SNX13: variants seen among roughly 807,000 people sequenced by gnomAD.
The protein encoded by SNX13 is sorting nexin 13, also known as sorting nexin-13.
SNX13 carries 45 observed loss-of-function variants against 133.6 expected under a neutral mutation model. The ratio of observed to expected loss-of-function variants is 0.34; its 90% CI spans 0.27 to 0.43. The LOEUF (loss-of-function observed/expected upper bound fraction) is 0.43, where lower values mean the gene tolerates loss of function less well. Ranked by LOEUF, SNX13 falls within the 20% of genes least tolerant of loss-of-function variation. The pLI is 1.00. For synonymous variants in SNX13, 414 were observed against 373.9 expected (o/e 1.11, Z -1.24); for missense variants, 1,032 against 1,145.1 (o/e 0.90, Z 1.43).
At chr7:17,851,640 G>A (rs1015259185) in intron 9 of SNX13, among the ~76,000 whole-genome samples, 3 of 144,734 alleles carry the variant, frequency 2.1e-5, no homozygotes, top group Non-Finnish European at 3.0e-5. Flanking sequence ...CACTAACATC[G>A]TTGGCCTGAC....
intron 9 of SNX13, among the ~76,000 whole-genome samples, chr7:17,851,738 G>A (rs919812308): frequency 1.3e-5 from 2 of 151,932 alleles, no homozygotes; most frequent in Non-Finnish European, 2.9e-5. Flanking sequence ...CGGGGAGTCG[G>A]GGAGGCAAAA....
Position 17,928,589 on chromosome 7 carries a change from A to G in SNX13, c.12+11695T>C, listed in dbSNP as rs189277748. ...AAAATTCTGCACATAATATCTAAAT[A>G]ATCAAACACAACTGATTAACTTAGA... is the stretch of plus-strand genomic sequence containing the variant. On this transcript the variant is annotated intron_variant, in intron 1 of 25. Transcript: ENST00000428135. Among the ~76,000 whole-genome samples, 16 of 152,312 alleles carry G rather than the reference A, an allele frequency of 1.1e-4. No individual in the cohort carries two copies. The East Asian group carries it at 3.1e-3, about 29-fold the overall frequency.
At chr7:17,811,647 C>A (rs1786039122) in intron 20 of SNX13, among the ~76,000 whole-genome samples, 1 of 152,132 alleles carries the variant, frequency 6.6e-6, no homozygotes, top group Non-Finnish European at 1.5e-5. Context: ...GAAAAAACTA[C>A]TTTAAATTTC....
chr7:17,830,501 T>C, intron 15 of SNX13: 1 of 984,040 alleles, frequency 1.0e-6, no homozygotes, highest in Non-Finnish European at 1.2e-6. Flanking sequence ...GACTTATTTT[T>C]AATAGGTCTA....
Position 17,796,906 on chromosome 7 carries a change from C to T in SNX13, c.2547G>A (p.Glu849=). Residue 849 remains glutamate (E), a synonymous_variant, in exon 25 of 26, where the codon GAG becomes GAA. Coordinates refer to ENST00000428135, the MANE Select transcript of SNX13 (RefSeq NM_015132.5). ...DAFWPNGILA[E]AVPCRDKSIR... ...TACTTTTATCTCTGCATGGAACAGC[C>T]TCTGCTAAAATGCCATTTGGCCAAA... 6.2e-7 allele frequency: 1 copy of T among 1,611,036 alleles called. No individual in the cohort carries two copies. Among genetic ancestry groups the T allele is most frequent in the Non-Finnish European group, 8.5e-7 (1 of 1,178,046 alleles).
chr7:17,849,130 T>A (rs1790902971), intron 11 of SNX13, among the ~76,000 whole-genome samples: 1 of 152,206 alleles, frequency 6.6e-6, no homozygotes, highest in African/African-American at 2.4e-5. Flanking sequence ...AATTGGCATG[T>A]CTACTTGAAT....
intron 1 of SNX13, among the ~76,000 whole-genome samples, chr7:17,925,038 A>G (rs891931836): frequency 1.3e-5 from 2 of 152,054 alleles, no homozygotes; most frequent in Non-Finnish European, 2.9e-5. Flanking sequence ...TTGAAACCCC[A>G]TTTCTACTAA....
rs1785047862 is a variant in SNX13, at chr7:17,805,152, TG to T, written c.2065-1573del. On this transcript the variant is annotated intron_variant, in intron 20 of 25. Transcript: ENST00000428135. ...AGGATTTGAAAAACATGACCACTGG[TG>T]GAGAGAAACATAAAGATAAAAAGAT... 2.0e-5 allele frequency among the ~76,000 whole-genome samples: 3 copies of T among 148,926 alleles called. No homozygotes were observed. In the South Asian group the frequency reaches 6.3e-4, roughly 31 times the overall value.
In SNX13 at chr7:17,834,636, T is replaced by C. The variant is rs186810663; in HGVS notation, c.1464+125A>G. The C allele has an allele frequency of 2.2e-3, 1,151 of 532,952 alleles. 2 individuals are homozygous for C. Among genetic ancestry groups the C allele is most frequent in the Non-Finnish European group, 3.2e-3 (984 of 309,622 alleles). The allele number at this position is 532,952 out of a possible 1,614,324, so 33.0% of individuals were successfully genotyped here. On this transcript the variant is annotated intron_variant, in intron 14 of 25. Transcript: ENST00000428135. ...TTTACATTTCTGGAATTGAGAAGTA[T>C]AATTGCCATAGTTTATCTTTTTAAT...
In SNX13 at chr7:17,898,653, T is replaced by C. The variant is rs142562040; in HGVS notation, c.13-1207A>G. Reference sequence around the variant, plus strand: ...AGAAAATTAAGTAAATATATAGTTATATCACACGGGGATAAGTGCTATGGA... The same window carrying C: ...AGAAAATTAAGTAAATATATAGTTACATCACACGGGGATAAGTGCTATGGA... On this transcript the variant is annotated intron_variant, in intron 1 of 25. Transcript: ENST00000428135. 4.3e-3 allele frequency among the ~76,000 whole-genome samples: 651 copies of C among 152,274 alleles called. 4 individuals are homozygous for C. The highest frequency in any genetic ancestry group is 8.4e-3 in the Admixed American group (128 of 15,292).
At chr7:17,905,871 T>C (rs1798344603) in intron 1 of SNX13, among the ~76,000 whole-genome samples, 1 of 152,180 alleles carries the variant, frequency 6.6e-6, no homozygotes, top group African/African-American at 2.4e-5. Context: ...AGTGGTGCCA[T>C]CACAGCTTAA....
intron 7 of SNX13, 106 bp from the exon 8 acceptor site, chr7:17,873,722 GTTAC>G: frequency 1.8e-6 from 1 of 567,740 alleles, no homozygotes; most frequent in Non-Finnish European, 2.8e-6. Flanking sequence ...CAGTTCCCTG[GTTAC>G]AATGGCTTAT....
intron 5 of SNX13, among the ~76,000 whole-genome samples, chr7:17,876,601 T>C (rs1794759530): frequency 1.4e-5 from 2 of 146,012 alleles, no homozygotes; most frequent in African/African-American, 2.5e-5. Context: ...GCCTTAACCA[T>C]TAGAAATAAC....
At chr7:17,940,174 C>T in intron 1 of SNX13, 110 bp downstream of exon 1, 1 of 1,436,546 alleles carries the variant, frequency 7.0e-7, no homozygotes, top group Non-Finnish European at 9.6e-7. Flanking sequence ...GGCCCTGGAG[C>T]CCACGGCGAA....
intron 4 of SNX13, 64 bp downstream of exon 4, chr7:17,891,482 T>G (rs1796622025): frequency 8.6e-7 from 1 of 1,161,228 alleles, no homozygotes; most frequent in African/African-American, 1.5e-5. Context: ...TTTCCTGGTA[T>G]CTTCAAAAGA....
chr7:17,802,969 A>G (rs1177768069), intron 21 of SNX13, among the ~76,000 whole-genome samples: 1 of 152,138 alleles, frequency 6.6e-6, no homozygotes, highest in Non-Finnish European at 1.5e-5. Flanking sequence ...GATTGATGGT[A>G]ATGATGAACT....
At chr7:17,939,268 T>C (rs1802475695) in intron 1 of SNX13, among the ~76,000 whole-genome samples, 1 of 152,248 alleles carries the variant, frequency 6.6e-6, no homozygotes, top group Non-Finnish European at 1.5e-5. Context: ...ACTAAAACTG[T>C]TTCCTATTCA....
intron 15 of SNX13, chr7:17,830,535 T>C: frequency 2.0e-6 from 2 of 984,044 alleles, no homozygotes; most frequent in East Asian, 1.1e-4. Context: ...TTCTTGGTGG[T>C]AGATTATCTT....
chr7:17,896,210 C>G (rs565583697), intron 2 of SNX13, among the ~76,000 whole-genome samples: 7 of 152,150 alleles, frequency 4.6e-5, no homozygotes, highest in Non-Finnish European at 8.8e-5. Context: ...TTCTGAACTC[C>G]ATTATCAGAC....
Sources: allele counts gnomAD v4.1 joint callset (sites outside exome capture counted in the v4.1 genomes callset), GRCh38; gene constraint gnomAD v4.1.1; transcripts MANE v1.5; gene names NCBI Gene and HGNC (gene_info 2026-07-23, HGNC 2026-07-21).